ACE: variants seen among roughly 807,000 people sequenced by gnomAD.
ACE encodes the protein angiotensin I converting enzyme.
ACE carries 122 observed loss-of-function variants against 162.3 expected under a neutral mutation model. That is an observed-to-expected ratio of 0.75 (90% CI 0.65 to 0.87). The LOEUF (loss-of-function observed/expected upper bound fraction) is 0.87, where lower values mean the gene tolerates loss of function less well. Among genes scored for constraint, ACE ranks in the 40% least tolerant of loss-of-function variants. The pLI, the probability that ACE is intolerant of heterozygous loss-of-function variation, is 0.00. For synonymous variants in ACE, 796 were observed against 720.6 expected (o/e 1.10, Z -1.68); for missense variants, 1,799 against 1,735.1 (o/e 1.04, Z -0.65).
At chr17:63,486,929 C>A in intron 14 of ACE, 57 bp from the exon 15 acceptor site, 1 of 1,537,412 alleles carries the variant, frequency 6.5e-7, no homozygotes. Flanking sequence ...GTAGTGCAGG[C>A]CCCAGAGAGA....
At chr17:63,485,456 C>T in intron 13 of ACE, 84 bp downstream of exon 13, 5 of 1,567,770 alleles carry the variant, frequency 3.2e-6, no homozygotes, top group Non-Finnish European at 3.5e-6. Context: ...GTGGGGCTGC[C>T]ACCACATTTT....
At chr17:63,481,048 A>C in intron 5 of ACE, 43 bp from the exon 6 acceptor site, 1 of 1,593,372 alleles carries the variant, frequency 6.3e-7, no homozygotes, top group East Asian at 2.2e-5. Flanking sequence ...AAGCAGGCAC[A>C]GCCAGGCAGG....
Position 63,482,459 on chromosome 17 carries a change from G to T in ACE, c.1119-7G>T. 2 of 1,613,384 alleles carry T rather than the reference G, an allele frequency of 1.2e-6. No homozygotes were observed. Among genetic ancestry groups the T allele is most frequent in the Admixed American group, 1.7e-5 (1 of 59,956 alleles). ...TCACTCTCACCCTCGCCCTCTCTAC[G>T]CCCCAGGATCAAGCAGTGCACACGG... On this transcript the variant is annotated splice_polypyrimidine_tract_variant and splice_region_variant and intron_variant, in intron 7 of 24. Coordinates refer to ENST00000290866, the MANE Select transcript of ACE (RefSeq NM_000789.4).
intron 8 of ACE, 49 bp from the exon 9 acceptor site, chr17:63,482,980 T>G (rs369669206): frequency 6.3e-7 from 1 of 1,593,338 alleles, no homozygotes; most frequent in Non-Finnish European, 8.6e-7. Flanking sequence ...TAGGGGACCC[T>G]CTTCTCCCTC....
At chr17:63,489,679 A>G (rs1369569904) in intron 17 of ACE, among the ~76,000 whole-genome samples, 1 of 152,198 alleles carries the variant, frequency 6.6e-6, no homozygotes, top group Non-Finnish European at 1.5e-5. Context: ...CGGTGAGGAC[A>G]GTAAGGGATG....
rs200255554 is a variant in ACE at position 63,484,531 on chromosome 17, G to A, written c.1911G>A (p.Pro637=). 4.0e-5 allele frequency: 65 copies of A among 1,611,294 alleles called. No homozygotes were observed. The highest frequency in any genetic ancestry group is 1.9e-4 in the Middle Eastern group (1 of 5,340). ...ACCCGCCGTTGCCTGACAACTACCC[G>A]GAGGGCATAGGTAAAGCCCTGAGTG... The part of the protein sequence containing the change: ...QWHPPLPDNY[P]EGIDLVTDEA... Residue 637 remains proline (P), a synonymous_variant, in exon 12 of 25, where the codon CCG becomes CCA. Coordinates refer to ENST00000290866, the MANE Select transcript of ACE (RefSeq NM_000789.4). The surrounding 1 kb of genome is among the most constrained non-coding windows in gnomAD (Gnocchi z 4.0).
At chr17:63,492,541 G>T (rs986761429) in intron 19 of ACE, among the ~76,000 whole-genome samples, 1 of 152,228 alleles carries the variant, frequency 6.6e-6, no homozygotes, top group African/African-American at 2.4e-5. Flanking sequence ...AGCCCTTGTG[G>T]GGTCTTCCCT....
In ACE at chr17:63,491,274, C is replaced by G. The variant is rs370847170; in HGVS notation, c.2805C>G (p.Pro935=). 5.6e-6 allele frequency: 9 copies of G among 1,614,106 alleles called. No individual in the cohort carries two copies. The highest frequency in any genetic ancestry group is 5.9e-6 in the Non-Finnish European group (7 of 1,180,016). Residue 935 remains proline, a synonymous_variant, in exon 19 of 25, where the codon CCC becomes CCG. Coordinates refer to ENST00000290866, the MANE Select transcript of ACE (RefSeq NM_000789.4). This position sits in a 1 kb window ranked among gnomAD's most constrained non-coding sequence, Gnocchi z 4.4. ...DDFFTSLGLL[P]VPPEFWNKSM... is the part of the protein sequence containing the mutation. ...TCTTCACCTCCCTGGGGCTGCTGCC[C>G]GTGCCTCCTGAGTTCTGGAACAAGT...
intron 17 of ACE, chr17:63,490,284 G>A (rs766023303): frequency 8.5e-5 from 13 of 153,248 alleles, no homozygotes; most frequent in African/African-American, 2.2e-4. Flanking sequence ...TTCCTCTGTC[G>A]TGGAGAACTA....
At chr17:63,485,944 C>G (rs987594208) in intron 13 of ACE, among the ~76,000 whole-genome samples, 2 of 152,044 alleles carry the variant, frequency 1.3e-5, no homozygotes, top group African/African-American at 4.8e-5. Context: ...CATCTCTATT[C>G]AAACAAACAA....
chr17:63,477,138 C>A lies in ACE; in HGVS notation c.44C>A (p.Pro15Gln), dbSNP rs1355518990. The stretch of plus-strand genomic sequence containing the variant: ...CGCCGGGGGCCGGGGCTGCTGCTGC[C>A]GCTGCCGCTGCTGTTGCTGCTGCCG... The part of the protein sequence containing the change: ...SGRRGPGLLL[P>Q]LPLLLLLPPQ... The change falls in exon 1 of 25, where the codon CCG becomes CAG. Residue 15 changes from proline to glutamine, a missense_variant. Transcript: ENST00000290866. The A allele has an allele frequency of 7.0e-7, 1 of 1,430,778 alleles. No individual in the cohort carries two copies. The highest frequency in any genetic ancestry group is 9.2e-7 in the Non-Finnish European group (1 of 1,091,666). 88.6% of individuals were successfully genotyped at this position (1,430,778 alleles called of 1,614,324 possible).
At chr17:63,483,216 C>A (rs2049742938) in intron 9 of ACE, 43 bp downstream of exon 9, 8 of 1,612,026 alleles carry the variant, frequency 5.0e-6, no homozygotes, top group Non-Finnish European at 6.8e-6. Flanking sequence ...GCTAGCCCTC[C>A]CCAGCCTCCT....
chr17:63,481,214 TGGTGGGGGTCGGG>T (rs773329894), intron 6 of ACE, 26 bp downstream of exon 6: 2 of 601,666 alleles, frequency 3.3e-6, no homozygotes, highest in Admixed American at 2.5e-5. Context: ...AAGCCTGGGG[TGGTGGGGGTCGGG>T]GGTGGGGCGC....
In ACE at chr17:63,484,806, C is replaced by G. The variant is rs774809914; in HGVS notation, c.1921+265C>G. On this transcript the variant is annotated intron_variant, in intron 12 of 24. Coordinates refer to ENST00000290866, the MANE Select transcript of ACE (RefSeq NM_000789.4). This position sits in a 1 kb window ranked among gnomAD's most constrained non-coding sequence, Gnocchi z 4.0. ...AGACACAAGGCTCTGTGAGGTCACA[C>G]TGCGGGCTCCGCTCTTATTGGCCAG... 8.0e-6 allele frequency: 12 copies of G among 1,505,138 alleles called. No homozygotes were observed. The highest frequency in any genetic ancestry group is 1.1e-5 in the Non-Finnish European group (12 of 1,126,810). The allele number at this position is 1,505,138 out of a possible 1,614,324, so 93.2% of individuals were successfully genotyped here. A position where few individuals can be genotyped will look rare whatever the true frequency, so the allele number is the denominator to read the frequency against.
At chr17:63,482,819 G>T in intron 8 of ACE, 130 bp downstream of exon 8, 4 of 1,160,932 alleles carry the variant, frequency 3.4e-6, no homozygotes, top group Middle Eastern at 2.2e-4. Flanking sequence ...GCAGGGTTCG[G>T]GATCCTCCTA....
At chr17:63,493,899 A>C (rs768513972) in intron 20 of ACE, 23 bp from the exon 21 acceptor site, 2 of 1,614,180 alleles carry the variant, frequency 1.2e-6, no homozygotes, top group South Asian at 2.2e-5. Context: ...TGGGTCTGAC[A>C]GCTGGGCTCC....
chr17:63,494,619 C>T, intron 22 of ACE, 149 bp downstream of exon 22: 2 of 714,458 alleles, frequency 2.8e-6, no homozygotes, highest in Non-Finnish European at 2.5e-6. Context: ...GGCCCACTCA[C>T]ACTGCCAAGG....
In ACE at chr17:63,483,487, T is replaced by C; in HGVS notation, c.1515T>C (p.Pro505=). 1 of 1,614,170 alleles carries C rather than the reference T, an allele frequency of 6.2e-7. No homozygotes were observed. The highest frequency in any genetic ancestry group is 8.5e-7 in the Non-Finnish European group (1 of 1,180,010). The stretch of plus-strand genomic sequence containing the variant: ...CCAAGTATCAGGGGATCTGTCCTCC[T>C]GTTACCCGAAACGAAACCCACTTTG... ...LRTKYQGICP[P]VTRNETHFDA... Residue 505 remains proline (P), a synonymous_variant, in exon 10 of 25, where the codon CCT becomes CCC. Coordinates refer to ENST00000290866, the MANE Select transcript of ACE (RefSeq NM_000789.4).
intron 22 of ACE, among the ~76,000 whole-genome samples, chr17:63,495,620 T>C (rs759042676): frequency 1.2e-4 from 19 of 152,230 alleles, no homozygotes; most frequent in Non-Finnish European, 2.2e-4. Context: ...GGCTCCCGCC[T>C]GCCTGCTGGA....
Sources: gnomAD v4.1 joint callset for allele counts (sites outside exome capture counted in the v4.1 genomes callset) on GRCh38, gnomAD v4.1.1 for gene constraint, Gnocchi (gnomAD v3.1) non-coding constraint, MANE v1.5 for transcripts, NCBI Gene and HGNC (gene_info 2026-07-23, HGNC 2026-07-21) for gene names.